Variants in MOV10L1 observed in about 807,000 individuals in gnomAD.
The protein encoded by MOV10L1 is RNA helicase Mov10l1.
A neutral mutation model predicts 143.8 loss-of-function variants in MOV10L1; 110 were observed. The ratio of observed to expected loss-of-function variants is 0.76; its 90% CI spans 0.66 to 0.90. MOV10L1 has a LOEUF of 0.90. MOV10L1 is among the 40% of genes least tolerant of loss of function. The pLI is 0.00. For synonymous variants in MOV10L1, 593 were observed against 581.1 expected, an observed-to-expected ratio of 1.02 and a Z score of -0.29; for missense variants, 1,406 against 1,526.8, an observed-to-expected ratio of 0.92 and a Z score of 1.32.
At chr22:50,117,447 T>G in intron 9 of MOV10L1, 96 bp downstream of exon 9, 1 of 1,326,320 alleles carries the variant, frequency 7.5e-7, no homozygotes, top group East Asian at 2.4e-5. Flanking sequence ...ACCACCTGGC[T>G]GGGGAGGTAT....
chr22:50,133,250 C>A (rs947237386), intron 13 of MOV10L1, among the ~76,000 whole-genome samples: 1 of 151,862 alleles, frequency 6.6e-6, no homozygotes, highest in African/African-American at 2.4e-5. Flanking sequence ...CGTAGTGGCC[C>A]TCTATCAGGT....
At position 50,159,385 on chromosome 22, in the gene MOV10L1, A is replaced by AG; in HGVS notation, c.3217-291dup. On this transcript the variant is annotated intron_variant, in intron 23 of 26. Transcript: ENST00000262794. The surrounding 1 kb of genome is among the most constrained non-coding windows in gnomAD (Gnocchi z 4.1). The stretch of plus-strand genomic sequence containing the variant: ...GGGAGGCCGAGGTAGGCGGATCACA[A>AG]GGTCAGGAGTTCAAGACCAGCCTGG... 5.5e-6 allele frequency: 1 copy of AG among 181,714 alleles called. No homozygotes were observed. The highest frequency in any genetic ancestry group is 1.2e-4 in the South Asian group (1 of 8,046). 11.3% of individuals were successfully genotyped at this position (181,714 alleles called of 1,614,324 possible).
intron 2 of MOV10L1, among the ~76,000 whole-genome samples, chr22:50,097,809 T>C (rs2062627033): frequency 6.6e-6 from 1 of 152,110 alleles, no homozygotes; most frequent in Non-Finnish European, 1.5e-5. Flanking sequence ...AGGACTTTGA[T>C]AGGGATTGCG....
chr22:50,161,120 C>T, intron 26 of MOV10L1, 65 bp downstream of exon 26: 1 of 1,483,152 alleles, frequency 6.7e-7, no homozygotes, highest in Non-Finnish European at 9.4e-7. Context: ...GCCTGCCCTC[C>T]CCTGCTCCCC....
intron 5 of MOV10L1, among the ~76,000 whole-genome samples, chr22:50,109,939 A>G (rs1444270032): frequency 6.6e-6 from 1 of 151,984 alleles, no homozygotes; most frequent in Non-Finnish European, 1.5e-5. Flanking sequence ...TCATGAGGTC[A>G]GGAGTTCGAG....
rs6010172 is a variant in MOV10L1, at chr22:50,107,219, C to T, written c.443-917C>T. ...CCTCCCGAGTAGCTGGGACTACAGG[C>T]GCCTACCACCGCTCCCAGCTAATTT... On this transcript the variant is annotated intron_variant, in intron 3 of 26. Coordinates refer to ENST00000262794, the MANE Select transcript of MOV10L1 (RefSeq NM_018995.3). Among the ~76,000 whole-genome samples, 500 of 151,706 alleles carry T rather than the reference C, an allele frequency of 3.3e-3. 9 individuals carry two copies. Among genetic ancestry groups the T allele is most frequent in the African/African-American group, 0.012 (483 of 41,132 alleles).
chr22:50,108,808 T>C lies in MOV10L1; in HGVS notation c.707T>C (p.Val236Ala), dbSNP rs1229136361. ...GTGGAGAGCAGCCAGTCATGCTATG[T>C]CTGGAGGGCACTTTGTATGACCCTA... Reference protein sequence around the residue: ...VVVESSQSCYVWRALCMTLVK... With the variant: ...VVVESSQSCYAWRALCMTLVK... The change falls in exon 5 of 27, where the codon GTC becomes GCC. Residue 236 changes from valine (V) to alanine (A), a missense_variant. Coordinates refer to ENST00000262794, the MANE Select transcript of MOV10L1 (RefSeq NM_018995.3). 12 of 1,614,022 alleles carry C rather than the reference T, an allele frequency of 7.4e-6. No individual in the cohort carries two copies. In the Admixed American group the frequency reaches 2.0e-4, roughly 27 times the overall value.
intron 21 of MOV10L1, among the ~76,000 whole-genome samples, chr22:50,151,431 A>G (rs930883229): frequency 3.3e-5 from 5 of 152,256 alleles, no homozygotes; most frequent in African/African-American, 9.6e-5. Flanking sequence ...CATTGCCAGT[A>G]TTAACATCAA....
intron 3 of MOV10L1, among the ~76,000 whole-genome samples, chr22:50,104,901 T>G (rs1178782116): frequency 6.6e-6 from 1 of 151,842 alleles, no homozygotes; most frequent in Non-Finnish European, 1.5e-5. Context: ...CTTTTTTTTT[T>G]TTTTTTTAAA....
intron 15 of MOV10L1, among the ~76,000 whole-genome samples, chr22:50,135,455 T>C (rs535046772): frequency 6.6e-6 from 1 of 152,092 alleles, no homozygotes; most frequent in African/African-American, 2.4e-5. Flanking sequence ...GCAAAGATAT[T>C]TTATAAAAAC....
At chr22:50,150,168 T>C (rs535169326) in intron 20 of MOV10L1, among the ~76,000 whole-genome samples, 1 of 152,324 alleles carries the variant, frequency 6.6e-6, no homozygotes, top group Admixed American at 6.5e-5. Context: ...ACTTCCCTGG[T>C]TCTCTCACTG....
intron 3 of MOV10L1, among the ~76,000 whole-genome samples, chr22:50,103,612 G>A (rs1490935670): frequency 6.6e-6 from 1 of 152,148 alleles, no homozygotes; most frequent in Non-Finnish European, 1.5e-5. Context: ...CTGAAGGTGG[G>A]GTCTGAGCTG....
chr22:50,121,666 G>A (rs946248062), intron 10 of MOV10L1, among the ~76,000 whole-genome samples: 2 of 152,238 alleles, frequency 1.3e-5, no homozygotes, highest in Non-Finnish European at 2.9e-5. Flanking sequence ...GCAAATGCCT[G>A]AATGGTTCAT....
chr22:50,101,165 C>T (rs2039420414), intron 3 of MOV10L1, among the ~76,000 whole-genome samples: 1 of 152,138 alleles, frequency 6.6e-6, no homozygotes. Flanking sequence ...GCTCTGCCCA[C>T]CAGGAAGCTG....
chr22:50,098,274 T>C (rs947608485), intron 2 of MOV10L1, among the ~76,000 whole-genome samples: 1 of 88,934 alleles, frequency 1.1e-5, no homozygotes, highest in African/African-American at 3.0e-5. Flanking sequence ...AATAATCACA[T>C]AATCACTTTG....
chr22:50,134,682 G>A (rs761749438), intron 15 of MOV10L1, 52 bp downstream of exon 15: 15 of 1,527,864 alleles, frequency 9.8e-6, no homozygotes, highest in Middle Eastern at 3.4e-4. Context: ...TCAGCGACGT[G>A]GCTGTCTTTA....
intron 3 of MOV10L1, among the ~76,000 whole-genome samples, chr22:50,106,192 C>G (rs8137039): frequency 2.8e-4 from 42 of 152,252 alleles, no homozygotes; most frequent in African/African-American, 9.6e-4. Flanking sequence ...GGGTCTTGCT[C>G]TGTCACCCAG....
At position 50,117,265 on chromosome 22, in the gene MOV10L1, G is replaced by C. The variant is rs199858235; in HGVS notation, c.1368G>C (p.Ala456=). Residue 456 remains alanine (A), a synonymous_variant, in exon 9 of 27, where the codon GCG becomes GCC. Transcript: ENST00000262794. ...VISGEESLIA[A]REPFSWKKLK... ...GTGGGGAGGAGTCACTAATTGCTGC[G>C]CGCGAACCATTTTCTTGGAAAAAGC... The C allele has an allele frequency of 6.2e-7, 1 of 1,613,978 alleles. No homozygotes were observed. The highest frequency in any genetic ancestry group is 1.7e-5 in the Admixed American group (1 of 60,006).
intron 2 of MOV10L1, chr22:50,094,599 C>G (rs2062540180): frequency 6.6e-6 from 1 of 152,076 alleles, no homozygotes; most frequent in South Asian, 2.1e-4. Flanking sequence ...TGGGGTTTCA[C>G]TGTGTTAGCC....
Sources: allele counts gnomAD v4.1 joint callset (sites outside exome capture counted in the v4.1 genomes callset), GRCh38; gene constraint gnomAD v4.1.1; non-coding constraint Gnocchi (gnomAD v3.1); transcripts MANE v1.5; gene names NCBI Gene and HGNC (gene_info 2026-07-23, HGNC 2026-07-21).